The following CXXC5 variants were observed in gnomAD, a reference collection of about 807,000 sequenced individuals.
The protein encoded by CXXC5 is CXXC-type zinc finger protein 5.
In CXXC5, 2 loss-of-function variants were observed where a neutral mutation model predicts 17.6. The observed-to-expected ratio is 0.11, with a 90% CI of 0.05 to 0.36. The LOEUF is 0.36. Among genes scored for constraint, CXXC5 ranks in the 10% least tolerant of loss-of-function variants. The pLI, the probability that CXXC5 is intolerant of heterozygous loss-of-function variation, is 1.00. For missense variants in CXXC5, 343 were observed against 458.3 expected, an observed-to-expected ratio of 0.75 and a Z score of 2.30; for synonymous variants, 171 against 193.0, an observed-to-expected ratio of 0.89 and a Z score of 0.94.
At chr5:139,671,013 C>T (rs1756437405) in intron 1 of CXXC5, among the ~76,000 whole-genome samples, 1 of 152,216 alleles carries the variant, frequency 6.6e-6, no homozygotes. Flanking sequence ...GTAGTTATGC[C>T]ACCCGAGGGG....
chr5:139,677,405 A>C (rs1039450294), intron 1 of CXXC5, among the ~76,000 whole-genome samples: 3 of 152,074 alleles, frequency 2.0e-5, no homozygotes, highest in Non-Finnish European at 4.4e-5. Flanking sequence ...TTCCATGAGT[A>C]GGGCAAATGG....
intron 2 of CXXC5, among the ~76,000 whole-genome samples, chr5:139,682,612 T>A (rs947797854): frequency 2.6e-5 from 4 of 152,186 alleles, no homozygotes; most frequent in Admixed American, 6.5e-5. Flanking sequence ...GGAAGGGACT[T>A]CTTCTCTGGA....
At chr5:139,673,939 C>G (rs958890932) in intron 1 of CXXC5, among the ~76,000 whole-genome samples, 2 of 152,028 alleles carry the variant, frequency 1.3e-5, no homozygotes, top group African/African-American at 4.8e-5. Flanking sequence ...GGCACCCACC[C>G]CAGCAGGAGG....
At chr5:139,652,100 G>T (rs1182323378) in intron 1 of CXXC5, among the ~76,000 whole-genome samples, 1 of 150,612 alleles carries the variant, frequency 6.6e-6, no homozygotes, top group Non-Finnish European at 1.5e-5. Flanking sequence ...CTTTTTTCTG[G>T]GGCTCTCCCT....
intron 1 of CXXC5, among the ~76,000 whole-genome samples, chr5:139,667,011 C>T (rs1456998643): frequency 6.6e-6 from 1 of 152,174 alleles, no homozygotes; most frequent in Non-Finnish European, 1.5e-5. Flanking sequence ...TCCAGGATTT[C>T]CAGGGGCCAG....
At chr5:139,653,322 C>T (rs1385392887) in intron 1 of CXXC5, among the ~76,000 whole-genome samples, 1 of 152,112 alleles carries the variant, frequency 6.6e-6, no homozygotes, top group African/African-American at 2.4e-5. Context: ...GGGTTGTGCC[C>T]CCACAACCCA....
At chr5:139,647,989 G>A (rs1754955306), upstream of CXXC5, 1 of 151,594 alleles carries the variant, frequency 6.6e-6, no homozygotes, top group South Asian at 2.1e-4. Flanking sequence ...CAGAAAGATA[G>A]CAGATTTCCC....
rs2126791813 is a variant in CXXC5, at chr5:139,670,331, C to T, written c.-160-10033C>T. The stretch of plus-strand genomic sequence containing the variant: ...GTTGGACCTTGAACAGCAGACAAGA[C>T]AGGTGTCCCCCTTAGAGCTGGGACA... On this transcript the variant is annotated intron_variant, in intron 1 of 2. Transcript: ENST00000302517. The surrounding 1 kb of genome is among the most constrained non-coding windows in gnomAD (Gnocchi z 4.2). Among the ~76,000 whole-genome samples the T allele has an allele frequency of 6.6e-6, 1 of 152,326 alleles. No individual in the cohort carries two copies.
chr5:139,652,729 T>A (rs1415814464), intron 1 of CXXC5, among the ~76,000 whole-genome samples: 1 of 151,732 alleles, frequency 6.6e-6, no homozygotes, highest in Non-Finnish European at 1.5e-5. Context: ...ACATGTGTGT[T>A]TGTGAATCTG....
chr5:139,654,007 A>G (rs1272600860), intron 1 of CXXC5, among the ~76,000 whole-genome samples: 1 of 152,096 alleles, frequency 6.6e-6, no homozygotes, highest in Non-Finnish European at 1.5e-5. Context: ...GGTCAGCCTC[A>G]GTATCCTCAC....
chr5:139,673,839 CAA>C (rs752672843), intron 1 of CXXC5, among the ~76,000 whole-genome samples: 55 of 64,876 alleles, frequency 8.5e-4, no homozygotes, highest in African/African-American at 2.1e-3. Context: ...AGACTCTTGT[CAA>C]AAAAAAAAAA....
intron 1 of CXXC5, among the ~76,000 whole-genome samples, chr5:139,654,758 G>A: frequency 6.6e-6 from 1 of 152,192 alleles, no homozygotes; most frequent in Non-Finnish European, 1.5e-5. Context: ...CTTGGCCTCA[G>A]TATGTTTTCA....
chr5:139,664,747 G>T (rs948086757), intron 1 of CXXC5, among the ~76,000 whole-genome samples: 3 of 152,138 alleles, frequency 2.0e-5, no homozygotes, highest in Non-Finnish European at 4.4e-5. Context: ...ACCTGCACAG[G>T]GGTCCAGGGG....
chr5:139,682,067 C>T (rs1344334419), intron 2 of CXXC5, among the ~76,000 whole-genome samples: 1 of 152,150 alleles, frequency 6.6e-6, no homozygotes, highest in East Asian at 1.9e-4. Flanking sequence ...AGAACCTAGC[C>T]ACTGTAGGAT....
At chr5:139,674,696 C>T (rs1033600909) in intron 1 of CXXC5, among the ~76,000 whole-genome samples, 1 of 152,190 alleles carries the variant, frequency 6.6e-6, no homozygotes, top group African/African-American at 2.4e-5. Context: ...AGTATGTAAA[C>T]TATACCTCGA....
In CXXC5 at chr5:139,668,980, G is replaced by T. The variant is rs182213621; in HGVS notation, c.-160-11384G>T. The stretch of plus-strand genomic sequence containing the variant: ...CCCTCCCAGTCTCCTCTCTTGGGGG[G>T]TTGCTGAGGGGGTGGAGGTAATGTC... On this transcript the variant is annotated intron_variant, in intron 1 of 2. Transcript: ENST00000302517. This position sits in a 1 kb window ranked among gnomAD's most constrained non-coding sequence, Gnocchi z 4.1. Among the ~76,000 whole-genome samples, 1,043 of 152,242 alleles carry T rather than the reference G, an allele frequency of 6.9e-3. 8 individuals are homozygous for T. The highest frequency in any genetic ancestry group is 0.02 in the African/African-American group (821 of 41,542).
At chr5:139,652,225 G>C (rs1293574247) in intron 1 of CXXC5, among the ~76,000 whole-genome samples, 1 of 148,528 alleles carries the variant, frequency 6.7e-6, no homozygotes, top group African/African-American at 2.4e-5. Flanking sequence ...AAGTGTCCTT[G>C]ATTAAGTGTA....
chr5:139,676,809 T>G (rs1383467209), intron 1 of CXXC5, among the ~76,000 whole-genome samples: 1 of 151,638 alleles, frequency 6.6e-6, no homozygotes, highest in Non-Finnish European at 1.5e-5. Flanking sequence ...CCCCAGACAC[T>G]GCTTCCCATG....
At chr5:139,682,245 G>A (rs940298718) in intron 2 of CXXC5, among the ~76,000 whole-genome samples, 2 of 152,098 alleles carry the variant, frequency 1.3e-5, no homozygotes, top group East Asian at 1.9e-4. Context: ...TCTATGAGTG[G>A]GCTTGACGCA....
Sources: allele counts gnomAD v4.1 joint callset (sites outside exome capture counted in the v4.1 genomes callset), GRCh38; gene constraint gnomAD v4.1.1; non-coding constraint Gnocchi (gnomAD v3.1); transcripts MANE v1.5; gene names NCBI Gene and HGNC (gene_info 2026-07-23, HGNC 2026-07-21).